Variants in TENM3 observed in about 807,000 individuals in gnomAD.
TENM3 encodes teneurin transmembrane protein 3, also known as teneurin-3.
Under a neutral mutation model 255.1 loss-of-function variants are expected in TENM3, and 63 were observed. The ratio of observed to expected loss-of-function variants is 0.25; its 90% CI spans 0.20 to 0.30. The LOEUF is 0.30. Among genes scored for constraint, TENM3 ranks in the 10% least tolerant of loss-of-function variants. The pLI is 1.00. For synonymous variants in TENM3, 1,306 were observed against 1,322.3 expected (o/e 0.99, Z 0.27); for missense variants, 2,929 against 3,461.1 (o/e 0.85, Z 3.86).
At chr4:182,285,668 G>A (rs1344215975) in intron 1 of TENM3, among the ~76,000 whole-genome samples, 1 of 152,182 alleles carries the variant, frequency 6.6e-6, no homozygotes, top group East Asian at 1.9e-4. Context: ...TGTTTTTGGA[G>A]CATGGGAAGA....
At chr4:181,886,609 G>T in the TENM3 span, among the ~76,000 whole-genome samples, 1 of 152,050 alleles carries the variant, frequency 6.6e-6, no homozygotes, top group East Asian at 1.9e-4. Flanking sequence ...CAAATCAAGT[G>T]TATTTTACAT....
At chr4:182,001,409 T>C in the TENM3 span, among the ~76,000 whole-genome samples, 1 of 152,234 alleles carries the variant, frequency 6.6e-6, no homozygotes, top group South Asian at 2.1e-4. Context: ...TGCATTTCTC[T>C]GGGCTTCAGT....
At chr4:182,510,479 G>A (rs988435499) in intron 3 of TENM3, among the ~76,000 whole-genome samples, 1 of 152,106 alleles carries the variant, frequency 6.6e-6, no homozygotes, top group Non-Finnish European at 1.5e-5. Context: ...TCTTTTAAGG[G>A]TTAACCTCTA....
At chr4:182,758,546 G>A (rs1762897056) in intron 22 of TENM3, among the ~76,000 whole-genome samples, 1 of 152,092 alleles carries the variant, frequency 6.6e-6, no homozygotes, top group African/African-American at 2.4e-5. Flanking sequence ...CCTAATAGAG[G>A]CAGCGGGGGG....
intron 3 of TENM3, among the ~76,000 whole-genome samples, chr4:182,589,446 A>ATTTT (rs367629189): frequency 2.2e-4 from 28 of 129,392 alleles, no homozygotes; most frequent in Admixed American, 1.3e-3. Flanking sequence ...TAGGTTTTTA[A>ATTTT]TTTTTTTTTT....
chr4:182,629,687 A>G (rs1751168856), intron 5 of TENM3, among the ~76,000 whole-genome samples: 1 of 152,172 alleles, frequency 6.6e-6, no homozygotes, highest in African/African-American at 2.4e-5. Context: ...TGGTTTATCC[A>G]CCAAGAACAA....
chr4:182,735,465 G>C (rs1405378051), intron 16 of TENM3, among the ~76,000 whole-genome samples: 1 of 152,150 alleles, frequency 6.6e-6, no homozygotes. Context: ...ATTAAAGTTT[G>C]GAGGTGGCAG....
intron 3 of TENM3, among the ~76,000 whole-genome samples, chr4:182,477,371 C>T (rs150680083): frequency 0.022 from 3,313 of 152,222 alleles, 57 homozygotes; most frequent in Non-Finnish European, 0.033. Flanking sequence ...AGCGTTCCAC[C>T]TTCATTGAGA....
the TENM3 span, among the ~76,000 whole-genome samples, chr4:181,499,408 G>C: frequency 1.3e-5 from 2 of 152,164 alleles, no homozygotes; most frequent in Admixed American, 1.3e-4. Flanking sequence ...GCATCTAAAG[G>C]GAAGGGTTAC....
the TENM3 span, among the ~76,000 whole-genome samples, chr4:181,622,296 C>T: frequency 1.3e-5 from 2 of 152,172 alleles, no homozygotes; most frequent in Non-Finnish European, 2.9e-5. Flanking sequence ...TTGGATTGTA[C>T]TCACCAAACA....
At chr4:182,486,313 T>TGGG (rs1365628121) in intron 3 of TENM3, among the ~76,000 whole-genome samples, 2,511 of 11,972 alleles carry the variant, frequency 0.21, 43 homozygotes, top group Non-Finnish European at 0.29. Context: ...TTTAATTGTG[T>TGGG]GTGGGGGGGA....
At chr4:181,726,878 C>T in the TENM3 span, among the ~76,000 whole-genome samples, 1 of 152,306 alleles carries the variant, frequency 6.6e-6, no homozygotes, top group African/African-American at 2.4e-5. Flanking sequence ...CCAGACACTC[C>T]CTCTGGCTTC....
At chr4:182,536,151 A>G in intron 3 of TENM3, among the ~76,000 whole-genome samples, 1 of 152,270 alleles carries the variant, frequency 6.6e-6, no homozygotes, top group East Asian at 1.9e-4. Flanking sequence ...GTTAGTAGTA[A>G]TATTTTTATT....
intron 12 of TENM3, among the ~76,000 whole-genome samples, chr4:182,705,516 C>A (rs115077574): frequency 2.6e-3 from 403 of 152,304 alleles, no homozygotes; most frequent in African/African-American, 9.3e-3. Flanking sequence ...GTGAGTTGTT[C>A]ATAGCCATAC....
the TENM3 span, among the ~76,000 whole-genome samples, chr4:181,644,100 G>C: frequency 1.3e-5 from 2 of 148,286 alleles, no homozygotes; most frequent in East Asian, 4.0e-4. Context: ...AAAAAGTCAA[G>C]GGTGAGCAAG....
At chr4:181,780,701 A>C in the TENM3 span, among the ~76,000 whole-genome samples, 2 of 152,268 alleles carry the variant, frequency 1.3e-5, no homozygotes, top group East Asian at 3.9e-4. Flanking sequence ...TTAGACATGA[A>C]GTCCTTGCAC....
At chr4:181,791,496 T>C in the TENM3 span, among the ~76,000 whole-genome samples, 1 of 152,232 alleles carries the variant, frequency 6.6e-6, no homozygotes, top group Non-Finnish European at 1.5e-5. Context: ...ATTTTATTTA[T>C]TGTGCTTTCT....
At chr4:182,666,842 G>C (rs1043864027) in intron 6 of TENM3, among the ~76,000 whole-genome samples, 1 of 152,060 alleles carries the variant, frequency 6.6e-6, no homozygotes, top group African/African-American at 2.4e-5. Flanking sequence ...TGAGGCTGCA[G>C]TGAGCCGAGA....
chr4:181,839,516 A>G, the TENM3 span, among the ~76,000 whole-genome samples: 1 of 148,090 alleles, frequency 6.8e-6, no homozygotes, highest in African/African-American at 2.5e-5. Context: ...GATATATACT[A>G]TTATATACAC....
Sources: allele counts gnomAD v4.1 joint callset (sites outside exome capture counted in the v4.1 genomes callset), GRCh38; gene constraint gnomAD v4.1.1; transcripts MANE v1.5; gene names NCBI Gene and HGNC (gene_info 2026-07-23, HGNC 2026-07-21).